The following SLCO4A1 variants were observed in gnomAD, a reference collection of about 807,000 sequenced individuals.
SLCO4A1 encodes the protein solute carrier organic anion transporter family member 4A1, also known as colon organic anion transporter.
Under a neutral mutation model 64.6 loss-of-function variants are expected in SLCO4A1, and 51 were observed. The observed-to-expected ratio is 0.79, with a 90% CI of 0.63 to 1.00. The LOEUF is 1.00. Ranked by LOEUF, SLCO4A1 falls within the 50% of genes least tolerant of loss-of-function variation. The pLI is 0.00. For missense variants in SLCO4A1, 919 were observed against 980.5 expected, an observed-to-expected ratio of 0.94 and a Z score of 0.84; for synonymous variants, 471 against 444.9, an observed-to-expected ratio of 1.06 and a Z score of -0.74.
chr20:62,655,457 C>T (rs1409326092), intron 1 of SLCO4A1, among the ~76,000 whole-genome samples: 1 of 152,240 alleles, frequency 6.6e-6, no homozygotes, highest in Admixed American at 6.5e-5. Context: ...AGAGAGGCTA[C>T]AGCCACCTGG....
intron 1 of SLCO4A1, among the ~76,000 whole-genome samples, chr20:62,648,194 G>C (rs575232081): frequency 6.6e-6 from 1 of 152,410 alleles, no homozygotes; most frequent in East Asian, 1.9e-4. Flanking sequence ...TTGTGGGTTA[G>C]AGCAGGGACA....
chr20:62,656,412 C>T lies in SLCO4A1; in HGVS notation c.-43C>T. ...GCCACTCCCGCTGAGGCCACTCCCA[C>T]TGCGTGGCTGAAGCCTCGAGGTCAC... is the stretch of plus-strand genomic sequence containing the variant. On this transcript the variant is annotated 5_prime_UTR_variant, in exon 2 of 12. Transcript: ENST00000217159. The T allele has an allele frequency of 1.0e-5, 15 of 1,443,654 alleles. No homozygotes were observed. The highest frequency in any genetic ancestry group is 1.4e-5 in the Non-Finnish European group (15 of 1,097,622). The allele number at this position is 1,443,654 out of a possible 1,614,324, so 89.4% of individuals were successfully genotyped here. A position where few individuals can be genotyped will look rare whatever the true frequency, so the allele number is the denominator to read the frequency against.
chr20:62,673,767 G>GT (rs1180945736), downstream of SLCO4A1, among the ~76,000 whole-genome samples: 6 of 152,038 alleles, frequency 3.9e-5, no homozygotes, highest in African/African-American at 4.8e-5. Context: ...CAACCAAGAG[G>GT]GGACGACACC....
At position 62,661,866 on chromosome 20, in the gene SLCO4A1, C is replaced by G. The variant is rs1175798797; in HGVS notation, c.1121+691C>G. Among the ~76,000 whole-genome samples the G allele has an allele frequency of 2.0e-5, 3 of 151,684 alleles. No homozygotes were observed. Among genetic ancestry groups the G allele is most frequent in the African/African-American group, 7.3e-5 (3 of 41,292 alleles). The stretch of plus-strand genomic sequence containing the variant: ...CTGAGCCGGTGGGGTCCTAGAGGGA[C>G]AACAGAGGGGCCCGGGCCCTCCCGG... On this transcript the variant is annotated intron_variant, in intron 5 of 11. Coordinates refer to ENST00000217159, the MANE Select transcript of SLCO4A1 (RefSeq NM_016354.4). This position sits in a 1 kb window ranked among gnomAD's most constrained non-coding sequence, Gnocchi z 5.2.
rs1382352363 is a variant in SLCO4A1, at chr20:62,668,108, C to T, written c.1735C>T (p.Leu579Phe). 22 of 1,613,904 alleles carry T rather than the reference C, an allele frequency of 1.4e-5. No homozygotes were observed. Among genetic ancestry groups the T allele is most frequent in the Non-Finnish European group, 1.8e-5 (21 of 1,180,050 alleles). The change falls in exon 9 of 12, where the codon CTC becomes TTC. Residue 579 changes from leucine (L) to phenylalanine (F), a missense_variant. Coordinates refer to ENST00000217159, the MANE Select transcript of SLCO4A1 (RefSeq NM_016354.4). The stretch of plus-strand genomic sequence containing the variant: ...CACTTCAACTTGTCAGAGAAAGCCC[C>T]TCCTTCTGGTTTTCATATTCGTTGT... ...KCTSTCQRKP[L>F]LLVFIFVVIF...
intron 1 of SLCO4A1, among the ~76,000 whole-genome samples, chr20:62,653,509 A>C (rs1267082675): frequency 6.6e-6 from 1 of 152,260 alleles, no homozygotes; most frequent in African/African-American, 2.4e-5. Context: ...AGTGTCTGTC[A>C]GCATAGGCCT....
Position 62,668,479 on chromosome 20 carries a change from G to A in SLCO4A1, c.1814G>A (p.Cys605Tyr). The change falls in exon 10 of 12, where the codon TGT (cysteine) becomes TAT (tyrosine). Residue 605 changes from cysteine (C) to tyrosine (Y), a missense_variant and splice_region_variant. Physicochemically the swap from Cys to Tyr is radical, Grantham distance 194. Transcript: ENST00000217159. ...GACGCTGTGGTTTTCTATTGCAGAT[G>A]TGTCCGTGACCCTCAGAGATCCTTT... ...SIPALTATLR[C>Y]VRDPQRSFAL... The A allele has an allele frequency of 6.2e-7, 1 of 1,613,902 alleles. No homozygotes were observed. The highest frequency in any genetic ancestry group is 8.5e-7 in the Non-Finnish European group (1 of 1,179,972).
intron 11 of SLCO4A1, among the ~76,000 whole-genome samples, chr20:62,671,279 C>T (rs137991796): frequency 9.9e-5 from 15 of 152,202 alleles, no homozygotes; most frequent in East Asian, 9.7e-4. Context: ...GGGGGCAGGG[C>T]GGGCTCCTTC....
At chr20:62,663,998 C>A (rs1985588386) in intron 5 of SLCO4A1, among the ~76,000 whole-genome samples, 1 of 152,200 alleles carries the variant, frequency 6.6e-6, no homozygotes, top group African/African-American at 2.4e-5. Flanking sequence ...ATTCACCCCC[C>A]AGGGCCTCGT....
chr20:62,657,271 A>G, intron 2 of SLCO4A1, 21 bp downstream of exon 2: 2 of 1,500,738 alleles, frequency 1.3e-6, no homozygotes, highest in Middle Eastern at 2.2e-4. Context: ...CTGGCGGGGT[A>G]AGTGCTGGCA....
Position 62,668,138 on chromosome 20 carries a change from T to C in SLCO4A1, c.1765T>C (p.Phe589Leu). The C allele has an allele frequency of 2.5e-6, 4 of 1,614,046 alleles. No individual in the cohort carries two copies. The highest frequency in any genetic ancestry group is 3.4e-6 in the Non-Finnish European group (4 of 1,180,046). ...TCTGGTTTTCATATTCGTTGTAATT[T>C]TCTTTACATTCCTCAGCAGCATTCC... ...LLLVFIFVVI[F>L]FTFLSSIPAL... The change falls in exon 9 of 12, where the codon TTC becomes CTC. Residue 589 changes from phenylalanine (F) to leucine (L), a missense_variant. By Grantham distance (22) the Phe-to-Leu change is conservative. Coordinates refer to ENST00000217159, the MANE Select transcript of SLCO4A1 (RefSeq NM_016354.4).
In SLCO4A1 at chr20:62,656,763, G is replaced by T; in HGVS notation, c.309G>T (p.Lys103Asn). The T allele has an allele frequency of 6.2e-7, 1 of 1,612,710 alleles. No individual in the cohort carries two copies. The highest frequency in any genetic ancestry group is 1.3e-5 in the African/African-American group (1 of 75,058). The change falls in exon 2 of 12, where the codon AAG becomes AAT. Residue 103 changes from lysine to asparagine, a missense_variant. Lys to Asn is a moderately conservative substitution (Grantham distance 94). Transcript: ENST00000217159. ...PPCLQVLNTP[K>N]GILFFLCAAA... ...GCCTGCAGGTCCTCAACACGCCCAAGGGCATCCTGTTCTTCCTGTGTGCGG... is the reference window on the plus strand; with the variant it reads ...GCCTGCAGGTCCTCAACACGCCCAATGGCATCCTGTTCTTCCTGTGTGCGG...
downstream of SLCO4A1, among the ~76,000 whole-genome samples, chr20:62,675,745 G>A (rs775202597): frequency 1.3e-5 from 2 of 152,220 alleles, no homozygotes; most frequent in African/African-American, 4.8e-5. Context: ...AGCCTGGTGG[G>A]CACATGGGCC....
At chr20:62,646,481 T>C (rs1397644332) in intron 1 of SLCO4A1, among the ~76,000 whole-genome samples, 1 of 152,244 alleles carries the variant, frequency 6.6e-6, no homozygotes, top group Non-Finnish European at 1.5e-5. Context: ...CACTTACGCC[T>C]TCACTCACCA....
At chr20:62,678,375 G>C (rs1987685088) in intron 2 of SLCO4A1, among the ~76,000 whole-genome samples, 1 of 152,272 alleles carries the variant, frequency 6.6e-6, no homozygotes, top group African/African-American at 2.4e-5. Flanking sequence ...GTCGCCGGTA[G>C]ACGTGGAGAG....
At chr20:62,666,306 C>G in intron 6 of SLCO4A1, 74 bp from the exon 7 acceptor site, 2 of 1,370,714 alleles carry the variant, frequency 1.5e-6, no homozygotes. Flanking sequence ...GTAAAGTGGA[C>G]CCGGCTGATC....
In SLCO4A1 at chr20:62,660,471, G is replaced by C; in HGVS notation, c.947G>C (p.Gly316Ala). The part of the protein sequence containing the change: ...WVGAWWVGFL[G>A]SGAAAFFTAV... ...GGCGCCTGGTGGGTCGGCTTCCTGG[G>C]CTCTGGGGCCGCTGCTTTCTTCACC... The change falls in exon 4 of 12, where the codon GGC becomes GCC. Residue 316 changes from glycine (G) to alanine (A), a missense_variant. Physicochemically the swap from Gly to Ala is moderately conservative, Grantham distance 60. Transcript: ENST00000217159. The C allele has an allele frequency of 6.2e-7, 1 of 1,603,282 alleles. No individual in the cohort carries two copies. Among genetic ancestry groups the C allele is most frequent in the Non-Finnish European group, 8.5e-7 (1 of 1,179,930 alleles).
chr20:62,676,956 G>A (rs558451418), downstream of SLCO4A1, among the ~76,000 whole-genome samples: 76 of 152,358 alleles, frequency 5.0e-4, no homozygotes, highest in Admixed American at 3.3e-3. Flanking sequence ...TTGCTTGGCC[G>A]TCAATCAGAA....
chr20:62,662,031 C>T (rs999307725), intron 5 of SLCO4A1, among the ~76,000 whole-genome samples: 1 of 152,158 alleles, frequency 6.6e-6, no homozygotes, highest in African/African-American at 2.4e-5. Flanking sequence ...AGCAGCAGGT[C>T]CCTGAGCTCA....
Sources: allele counts gnomAD v4.1 joint callset (sites outside exome capture counted in the v4.1 genomes callset), GRCh38; gene constraint gnomAD v4.1.1; non-coding constraint Gnocchi (gnomAD v3.1); transcripts MANE v1.5; gene names NCBI Gene and HGNC (gene_info 2026-07-23, HGNC 2026-07-21).